Variants in SRL observed in about 807,000 individuals in gnomAD.
SRL encodes sarcalumenin.
In SRL, 23 loss-of-function variants were observed where a neutral mutation model predicts 39.5. The ratio of observed to expected loss-of-function variants is 0.58; its 90% CI spans 0.42 to 0.82. SRL has a LOEUF of 0.82. SRL is among the 40% of genes least tolerant of loss of function. The pLI, the probability that SRL is intolerant of heterozygous loss-of-function variation, is 0.00. For synonymous variants in SRL, 272 were observed against 237.4 expected, an observed-to-expected ratio of 1.15 and a Z score of -1.34; for missense variants, 592 against 607.8, an observed-to-expected ratio of 0.97 and a Z score of 0.27.
At chr16:4,209,229 C>T (rs765000212) in intron 1 of SRL, among the ~76,000 whole-genome samples, 80 of 151,754 alleles carry the variant, frequency 5.3e-4, no homozygotes, top group Admixed American at 1.0e-3. Flanking sequence ...GCCGAGATCG[C>T]GCCACTGCAC....
At position 4,190,550 on chromosome 16, in the gene SRL, C is replaced by T. The variant is rs1597261191; in HGVS notation, c.*1603G>A. 1.0e-5 allele frequency: 4 copies of T among 398,696 alleles called. No individual in the cohort carries two copies. The highest frequency in any genetic ancestry group is 1.3e-3 in the Middle Eastern group (2 of 1,594). The allele number at this position is 398,696 out of a possible 1,614,324, so 24.7% of individuals were successfully genotyped here. On this transcript the variant is annotated 3_prime_UTR_variant, in exon 6 of 6. Transcript: ENST00000399609. Reference sequence around the variant, plus strand: ...CAGGTCCTGCCCCTCTGCTCCCCACCACCTGCTGTGGAGCCGTGCATGCTA... The same window carrying T: ...CAGGTCCTGCCCCTCTGCTCCCCACTACCTGCTGTGGAGCCGTGCATGCTA...
intron 1 of SRL, among the ~76,000 whole-genome samples, chr16:4,232,842 T>C (rs2052674168): frequency 6.6e-6 from 1 of 152,164 alleles, no homozygotes; most frequent in Admixed American, 6.5e-5. Flanking sequence ...AAAACTGAGC[T>C]GGCCTAGGTC....
At chr16:4,241,657 C>G (rs1408922633) in intron 1 of SRL, among the ~76,000 whole-genome samples, 1 of 152,188 alleles carries the variant, frequency 6.6e-6, no homozygotes, top group Non-Finnish European at 1.5e-5. Context: ...AGCTCCCAGA[C>G]TGTGCTATTT....
intron 1 of SRL, chr16:4,207,299 C>CAGTG: frequency 2.2e-6 from 1 of 456,872 alleles, no homozygotes; most frequent in Non-Finnish European, 4.4e-6. Flanking sequence ...CCTCAGTGTC[C>CAGTG]CCTGCCTTAA....
intron 3 of SRL, among the ~76,000 whole-genome samples, chr16:4,200,450 T>C (rs575644829): frequency 1.3e-5 from 2 of 152,124 alleles, no homozygotes; most frequent in South Asian, 4.2e-4. Flanking sequence ...GAGGTGAGCC[T>C]GGGAGAGGTT....
chr16:4,205,070 C>T (rs1489413034), intron 1 of SRL, among the ~76,000 whole-genome samples: 1 of 152,166 alleles, frequency 6.6e-6, no homozygotes, highest in East Asian at 1.9e-4. Context: ...CACCTGTAAT[C>T]CTAGCACTTT....
intron 1 of SRL, among the ~76,000 whole-genome samples, chr16:4,238,266 C>T (rs980421393): frequency 6.6e-6 from 1 of 152,164 alleles, no homozygotes; most frequent in African/African-American, 2.4e-5. Context: ...CTGCTCCCCA[C>T]TCCCCCAGCC....
chr16:4,237,642 C>A (rs905982289), intron 1 of SRL, among the ~76,000 whole-genome samples: 1 of 152,138 alleles, frequency 6.6e-6, no homozygotes, highest in Non-Finnish European at 1.5e-5. Flanking sequence ...CCCGCCACCC[C>A]ACTTCCATCT....
intron 4 of SRL, among the ~76,000 whole-genome samples, chr16:4,197,497 C>G (rs977734266): frequency 6.7e-6 from 1 of 148,732 alleles, no homozygotes; most frequent in Non-Finnish European, 1.5e-5. Context: ...TCTCAGCTCA[C>G]TACAATCTCT....
In SRL at chr16:4,204,598, C is replaced by T. The variant is rs764043879; in HGVS notation, c.98G>A (p.Arg33Lys). The T allele has an allele frequency of 6.2e-7, 1 of 1,614,208 alleles. No homozygotes were observed. The highest frequency in any genetic ancestry group is 8.5e-7 in the Non-Finnish European group (1 of 1,180,036). The change falls in exon 2 of 6, where the codon AGG becomes AAG. Residue 33 changes from arginine (R) to lysine (K), a missense_variant. Transcript: ENST00000399609. ...TEDANEEAPL[R>K]DRSHIEKTLM... ...GGTCTTCTCGATGTGGGAGCGGTCCCTCAATGGGGCTTCTTCATTTGCATC... is the reference window on the plus strand; with the variant it reads ...GGTCTTCTCGATGTGGGAGCGGTCCTTCAATGGGGCTTCTTCATTTGCATC...
chr16:4,221,052 TA>T (rs1215667196), intron 1 of SRL, among the ~76,000 whole-genome samples: 1 of 138,954 alleles, frequency 7.2e-6, no homozygotes, highest in Non-Finnish European at 1.6e-5. Flanking sequence ...GCTATTCCAT[TA>T]TTTTTTTTTT....
At chr16:4,232,259 T>C (rs2052667421) in intron 1 of SRL, among the ~76,000 whole-genome samples, 1 of 152,218 alleles carries the variant, frequency 6.6e-6, no homozygotes, top group Admixed American at 6.5e-5. Flanking sequence ...ACTTCTCCAG[T>C]TCTTTTCCAG....
intron 1 of SRL, among the ~76,000 whole-genome samples, chr16:4,220,301 A>ACACACACACACACACG (rs2141054565): frequency 6.6e-6 from 1 of 151,652 alleles, no homozygotes; most frequent in East Asian, 1.9e-4. Context: ...ACACACACAC[A>ACACACACACACACACG]CACACACAAA....
Position 4,204,554 on chromosome 16 carries a change from T to G in SRL, c.142A>C (p.Lys48Gln). 6.2e-7 allele frequency: 1 copy of G among 1,607,694 alleles called. No individual in the cohort carries two copies. The highest frequency in any genetic ancestry group is 8.5e-7 in the Non-Finnish European group (1 of 1,177,018). ...TTACCAGAGTAGTCATCGGATGGCT[T>G]GTCCTCATTCAGCATGAGGGTCTTC... is the stretch of plus-strand genomic sequence containing the variant. ...IEKTLMLNED[K>Q]PSDDYSAVLQ... Residue 48 changes from lysine (K) to glutamine (Q), a missense_variant, in exon 2 of 6, where the codon AAG becomes CAG. Coordinates refer to ENST00000399609, the MANE Select transcript of SRL (RefSeq NM_001098814.2).
At chr16:4,209,140 G>T (rs1313495897) in intron 1 of SRL, among the ~76,000 whole-genome samples, 1 of 152,058 alleles carries the variant, frequency 6.6e-6, no homozygotes, top group Non-Finnish European at 1.5e-5. Context: ...TGGGTGTGGT[G>T]ACACACACCT....
At position 4,191,932 on chromosome 16, in the gene SRL, T is replaced by G. The variant is rs2052070435; in HGVS notation, c.*221A>C. The G allele has an allele frequency of 6.1e-6, 3 of 490,208 alleles. No individual in the cohort carries two copies. The highest frequency in any genetic ancestry group is 1.1e-5 in the Non-Finnish European group (3 of 283,564). The allele number at this position is 490,208 out of a possible 1,614,324, so 30.4% of individuals were successfully genotyped here. A position where few individuals can be genotyped will look rare whatever the true frequency, so the allele number is the denominator to read the frequency against. On this transcript the variant is annotated 3_prime_UTR_variant, in exon 6 of 6. Coordinates refer to ENST00000399609, the MANE Select transcript of SRL (RefSeq NM_001098814.2). Reference sequence around the variant, plus strand: ...GAGGCTGACTTGCCTCAATCAGGCCTCCTCATTGAAGCAACAAGACAAGCA... The same window carrying G: ...GAGGCTGACTTGCCTCAATCAGGCCGCCTCATTGAAGCAACAAGACAAGCA...
rs2052073876 is a variant in SRL at position 4,192,146 on chromosome 16, C to G, written c.*7G>C. ...CACCAACAGGAACCCAAGGACCGCT[C>G]CACCACCTAGTGCTTCCTGTAGCGA... On this transcript the variant is annotated 3_prime_UTR_variant, in exon 6 of 6. Coordinates refer to ENST00000399609, the MANE Select transcript of SRL (RefSeq NM_001098814.2). This position sits in a 1 kb window ranked among gnomAD's most constrained non-coding sequence, Gnocchi z 4.0. The G allele has an allele frequency of 1.3e-6, 2 of 1,537,936 alleles. No individual in the cohort carries two copies. The highest frequency in any genetic ancestry group is 1.7e-6 in the Non-Finnish European group (2 of 1,146,308).
intron 4 of SRL, 115 bp downstream of exon 4, chr16:4,197,684 C>G (rs749422997): frequency 1.2e-6 from 1 of 845,650 alleles, no homozygotes; most frequent in Non-Finnish European, 2.0e-6. Context: ...CCTTGGCCTC[C>G]CAATGTGCTG....
intron 3 of SRL, among the ~76,000 whole-genome samples, chr16:4,202,275 T>A (rs7206151): frequency 1.3e-5 from 2 of 152,086 alleles, no homozygotes; most frequent in Non-Finnish European, 2.9e-5. Context: ...TATAACGATG[T>A]GTTTCTCTGG....
Sources: gnomAD v4.1 joint callset for allele counts (sites outside exome capture counted in the v4.1 genomes callset) on GRCh38, gnomAD v4.1.1 for gene constraint, Gnocchi (gnomAD v3.1) non-coding constraint, MANE v1.5 for transcripts, NCBI Gene and HGNC (gene_info 2026-07-23, HGNC 2026-07-21) for gene names.